TPRG1: variants seen among roughly 807,000 people sequenced by gnomAD.
The protein encoded by TPRG1 is tumor protein p63-regulated gene 1 protein.
In TPRG1, 29 loss-of-function variants were observed where a neutral mutation model predicts 29.3. The observed-to-expected ratio is 0.99, with a 90% confidence interval of 0.74 to 1.35. The LOEUF (loss-of-function observed/expected upper bound fraction) is 1.35, where lower values mean the gene tolerates loss of function less well. Among genes scored for constraint, TPRG1 ranks in the 40% most tolerant of loss-of-function variants. TPRG1 has a pLI of 0.00. For missense variants in TPRG1, 327 were observed against 335.0 expected (o/e 0.98, Z 0.19); for synonymous variants, 130 against 116.8 (o/e 1.11, Z -0.73).
At chr3:189,232,589 G>T (rs1441062668) in intron 3 of TPRG1, among the ~76,000 whole-genome samples, 1 of 152,116 alleles carries the variant, frequency 6.6e-6, no homozygotes. Context: ...CTTAATAATG[G>T]TATAATATTC....
intron 4 of TPRG1, among the ~76,000 whole-genome samples, chr3:189,251,447 CACAAAG>C (rs757360004): frequency 1.3e-3 from 192 of 152,172 alleles, no homozygotes; most frequent in African/African-American, 2.5e-3. Context: ...AAGAAAAAGA[CACAAAG>C]ACAAAGTATA....
At chr3:189,092,687 C>A (rs1304635163) in intron 4 of TPRG1, among the ~76,000 whole-genome samples, 1 of 152,124 alleles carries the variant, frequency 6.6e-6, no homozygotes, top group Non-Finnish European at 1.5e-5. Context: ...GCCTGTCTGA[C>A]TTCAGAACTG....
chr3:189,010,165 G>C (rs757241162), intron 3 of TPRG1, among the ~76,000 whole-genome samples: 41 of 152,064 alleles, frequency 2.7e-4, no homozygotes, highest in Admixed American at 2.2e-3. Context: ...TGGTGTATAT[G>C]TACCACATTT....
chr3:189,163,297 A>AT (rs1460366233), intron 5 of TPRG1, among the ~76,000 whole-genome samples: 1 of 152,098 alleles, frequency 6.6e-6, no homozygotes, highest in Admixed American at 6.6e-5. Flanking sequence ...AAACAAAAAA[A>AT]CATGGGGTTC....
chr3:189,053,244 T>C (rs374012333), intron 4 of TPRG1, among the ~76,000 whole-genome samples: 1 of 152,314 alleles, frequency 6.6e-6, no homozygotes, highest in Non-Finnish European at 1.5e-5. Context: ...TTATACTAGC[T>C]TCCAACTTTT....
chr3:189,238,304 G>C (rs1739873227), intron 3 of TPRG1, among the ~76,000 whole-genome samples: 4 of 152,196 alleles, frequency 2.6e-5, no homozygotes, highest in African/African-American at 9.7e-5. Flanking sequence ...ATTAGTGTAG[G>C]CTAGTTCGTA....
chr3:189,001,299 A>C (rs1032178800), intron 2 of TPRG1, among the ~76,000 whole-genome samples: 1 of 152,164 alleles, frequency 6.6e-6, no homozygotes, highest in South Asian at 2.1e-4. Context: ...TTTTGTCTTG[A>C]AGAAATTTTA....
chr3:189,146,330 G>A lies in TPRG1; in HGVS notation c.-290-1254G>A, dbSNP rs551883021. Among the ~76,000 whole-genome samples the A allele has an allele frequency of 5.3e-5, 8 of 152,312 alleles. No homozygotes were observed. In the South Asian group the frequency reaches 6.2e-4, roughly 12 times the overall value. ...TAGGTCACAGTTAGGAAGAGAAGGC[G>A]CCCGTAAGTCTCTCTGAGGGATCTG... On this transcript the variant is annotated intron_variant, in intron 3 of 6. Coordinates refer to the TPRG1 transcript ENST00000412373.
At chr3:189,200,644 C>T (rs750132786) in intron 1 of TPRG1, among the ~76,000 whole-genome samples, 10 of 152,304 alleles carry the variant, frequency 6.6e-5, no homozygotes, top group Admixed American at 2.0e-4. Context: ...AAGCCATAGA[C>T]TTTTCTAAGT....
chr3:189,219,916 A>G (rs920204455), intron 3 of TPRG1: 3 of 264,674 alleles, frequency 1.1e-5, no homozygotes, highest in Non-Finnish European at 1.8e-5. Context: ...CTTCGGTGTA[A>G]TTAATATGTG....
At chr3:189,308,936 T>C (rs1231873898) in intron 4 of TPRG1, among the ~76,000 whole-genome samples, 1 of 152,156 alleles carries the variant, frequency 6.6e-6, no homozygotes, top group Non-Finnish European at 1.5e-5. Context: ...TAAATGCCAG[T>C]ATACTAGCTG....
chr3:189,088,757 G>A (rs75878007), intron 4 of TPRG1, among the ~76,000 whole-genome samples: 4,208 of 152,174 alleles, frequency 0.028, 79 homozygotes, highest in Non-Finnish European at 0.042. Flanking sequence ...TTTGAAAATC[G>A]TCTCAAGTAG....
rs749976488 is a variant in TPRG1 at position 189,325,005 on chromosome 3, G to C, written c.*4185G>C. 1.3e-5 allele frequency: 2 copies of C among 152,080 alleles called. No individual in the cohort carries two copies. The highest frequency in any genetic ancestry group is 1.3e-4 in the Admixed American group (2 of 15,244). 9.4% of individuals were successfully genotyped at this position (152,080 alleles called of 1,614,324 possible). ...GTCTGCACCTCCCACAACGTGCTCCGAAAGCAGTTAGGGGACTAGGCCTCT... is the reference window on the plus strand; with the variant it reads ...GTCTGCACCTCCCACAACGTGCTCCCAAAGCAGTTAGGGGACTAGGCCTCT... On this transcript the variant is annotated 3_prime_UTR_variant, in exon 6 of 6. Coordinates refer to ENST00000345063, the MANE Select transcript of TPRG1 (RefSeq NM_198485.4).
At chr3:189,174,557 C>T (rs1197466813) in intron 1 of TPRG1, among the ~76,000 whole-genome samples, 1 of 152,150 alleles carries the variant, frequency 6.6e-6, no homozygotes, top group Non-Finnish European at 1.5e-5. Flanking sequence ...CAACGGAAAC[C>T]TAGTTCTACA....
At chr3:189,077,592 T>C (rs1299818717) in intron 4 of TPRG1, among the ~76,000 whole-genome samples, 2 of 152,178 alleles carry the variant, frequency 1.3e-5, no homozygotes, top group Non-Finnish European at 2.9e-5. Context: ...TCAAAATTCA[T>C]TGAACTCAAC....
At chr3:189,309,521 A>G (rs989551207) in intron 4 of TPRG1, among the ~76,000 whole-genome samples, 1 of 152,160 alleles carries the variant, frequency 6.6e-6, no homozygotes, top group African/African-American at 2.4e-5. Context: ...AGTTTGGCTT[A>G]ACCTCCGGGC....
upstream of TPRG1, among the ~76,000 whole-genome samples, chr3:189,170,267 C>T (rs1300453734): frequency 5.3e-5 from 8 of 152,156 alleles, no homozygotes; most frequent in African/African-American, 1.4e-4. Context: ...AGTGGTGTGA[C>T]CTAGATACCG....
intron 1 of TPRG1, among the ~76,000 whole-genome samples, chr3:189,195,240 T>C (rs1472817111): frequency 2.0e-5 from 3 of 152,144 alleles, no homozygotes; most frequent in Non-Finnish European, 4.4e-5. Context: ...GTCAAGGCAC[T>C]GTTTCCTGGG....
At chr3:189,160,025 G>A (rs1011672857) in intron 5 of TPRG1, among the ~76,000 whole-genome samples, 8 of 141,244 alleles carry the variant, frequency 5.7e-5, no homozygotes, top group African/African-American at 2.0e-4. Flanking sequence ...TCCAAAGGAA[G>A]GCCTTGTATG....
Sources: gnomAD v4.1 joint callset for allele counts (sites outside exome capture counted in the v4.1 genomes callset) on GRCh38, gnomAD v4.1.1 for gene constraint, MANE v1.5 for transcripts, NCBI Gene and HGNC (gene_info 2026-07-23, HGNC 2026-07-21) for gene names.